The following PIK3CB variants were observed in gnomAD, a reference collection of about 807,000 sequenced individuals.
PIK3CB encodes the protein phosphatidylinositol-4,5-bisphosphate 3-kinase catalytic subunit beta.
In PIK3CB, 39 loss-of-function variants were observed where a neutral mutation model predicts 136.8. The ratio of observed to expected loss-of-function variants is 0.29; its 90% confidence interval spans 0.22 to 0.37. The LOEUF (loss-of-function observed/expected upper bound fraction) is 0.37. PIK3CB is among the 10% of genes least tolerant of loss of function. PIK3CB has a pLI of 1.00. For missense variants in PIK3CB, 868 were observed against 1,275.4 expected, an observed-to-expected ratio of 0.68 and a Z score of 4.87; for synonymous variants, 428 against 436.6, an observed-to-expected ratio of 0.98 and a Z score of 0.25.
chr3:138,826,204 T>G, intron 1 of PIK3CB: 1 of 1,330,426 alleles, frequency 7.5e-7, no homozygotes, highest in Non-Finnish European at 1.1e-6. Context: ...TATCCTCCTC[T>G]GGGTCATTTT....
chr3:138,745,389 T>C (rs1315204451), intron 4 of PIK3CB, among the ~76,000 whole-genome samples: 1 of 152,106 alleles, frequency 6.6e-6, no homozygotes, highest in Non-Finnish European at 1.5e-5. Flanking sequence ...TCCTAGCACT[T>C]TGGGAGGCCA....
At chr3:138,753,032 G>A (rs1690906831) in intron 4 of PIK3CB, among the ~76,000 whole-genome samples, 1 of 152,034 alleles carries the variant, frequency 6.6e-6, no homozygotes, top group African/African-American at 2.4e-5. Context: ...CCCACATCCT[G>A]GGTAACACAG....
chr3:138,798,200 T>C (rs539917359), intron 1 of PIK3CB, among the ~76,000 whole-genome samples: 71 of 152,306 alleles, frequency 4.7e-4, no homozygotes, highest in African/African-American at 1.5e-3. Context: ...AGTCTTACTC[T>C]GTTGCCCAGG....
chr3:138,724,675 C>A (rs1486111887), intron 8 of PIK3CB, among the ~76,000 whole-genome samples: 4 of 152,128 alleles, frequency 2.6e-5, no homozygotes, highest in South Asian at 4.1e-4. Flanking sequence ...TCTATCATTA[C>A]CCAGATTCCA....
chr3:138,814,225 C>A (rs1933198749), intron 1 of PIK3CB, among the ~76,000 whole-genome samples: 2 of 152,092 alleles, frequency 1.3e-5, no homozygotes, highest in Admixed American at 6.6e-5. Flanking sequence ...TGTCTGTAAT[C>A]CCAGAGCTTT....
intron 5 of PIK3CB, among the ~76,000 whole-genome samples, chr3:138,742,037 TAAG>T (rs780971616): frequency 1.3e-5 from 2 of 152,196 alleles, no homozygotes; most frequent in Non-Finnish European, 2.9e-5. Flanking sequence ...AATGCAAATT[TAAG>T]AATATGGAAA....
rs1373870636 is a variant in PIK3CB, at chr3:138,742,790, AT to A, written c.398-10del. On this transcript the variant is annotated splice_polypyrimidine_tract_variant and intron_variant, in intron 4 of 23. Transcript: ENST00000674063. The stretch of plus-strand genomic sequence containing the variant: ...ATCAAATTCATGCAGACCTAAACAC[AT>A]TTTTTAAAGGTGTCATTTTCAGTAA... 9 of 1,485,376 alleles carry A rather than the reference AT, an allele frequency of 6.1e-6. No homozygotes were observed. The highest frequency in any genetic ancestry group is 4.2e-5 in the African/African-American group (3 of 71,744). 92.0% of individuals were successfully genotyped at this position (1,485,376 alleles called of 1,614,324 possible). A position where few individuals can be genotyped will look rare whatever the true frequency, so the allele number is the denominator to read the frequency against.
At chr3:138,803,157 A>C (rs889686827) in intron 1 of PIK3CB, among the ~76,000 whole-genome samples, 1 of 152,196 alleles carries the variant, frequency 6.6e-6, no homozygotes, top group Non-Finnish European at 1.5e-5. Flanking sequence ...CCACTGCTCC[A>C]GTCTTCCACC....
intron 22 of PIK3CB, among the ~76,000 whole-genome samples, chr3:138,656,970 G>A (rs2043202068): frequency 1.3e-5 from 2 of 152,142 alleles, no homozygotes; most frequent in South Asian, 2.1e-4. Flanking sequence ...GTTTCACCAT[G>A]TTGGTCAGGC....
At chr3:138,717,830 C>G (rs575362034) in intron 8 of PIK3CB, among the ~76,000 whole-genome samples, 1 of 152,276 alleles carries the variant, frequency 6.6e-6, no homozygotes, top group East Asian at 1.9e-4. Context: ...GGATAATAGC[C>G]TCCAGCTCCA....
intron 4 of PIK3CB, among the ~76,000 whole-genome samples, chr3:138,748,768 A>C (rs1255532912): frequency 6.6e-6 from 1 of 152,178 alleles, no homozygotes; most frequent in Non-Finnish European, 1.5e-5. Context: ...AATATGCATA[A>C]GTTTTTGTTT....
At chr3:138,658,422 C>T (rs1419897801) in intron 21 of PIK3CB, among the ~76,000 whole-genome samples, 1 of 152,016 alleles carries the variant, frequency 6.6e-6, no homozygotes, top group African/African-American at 2.4e-5. Context: ...TACGCTCTTG[C>T]CTGGGTGACA....
intron 2 of PIK3CB, among the ~76,000 whole-genome samples, chr3:138,763,050 A>G (rs2045683540): frequency 6.6e-6 from 1 of 152,188 alleles, no homozygotes; most frequent in Non-Finnish European, 1.5e-5. Flanking sequence ...GAAGCCAGCT[A>G]CTGAACAAGT....
intron 17 of PIK3CB, 46 bp from the exon 18 acceptor site, chr3:138,683,833 A>ACT: frequency 1.0e-6 from 1 of 958,476 alleles, no homozygotes; most frequent in African/African-American, 1.6e-5. Context: ...GTAATGATAC[A>ACT]GAAGATTATA....
At chr3:138,655,617 T>C (rs560360731) in intron 23 of PIK3CB, 91 bp from the exon 24 acceptor site, 2 of 953,196 alleles carry the variant, frequency 2.1e-6, no homozygotes, top group Non-Finnish European at 1.7e-6. Context: ...TGGTTGTGCC[T>C]CCCCAGCCAC....
intron 1 of PIK3CB, among the ~76,000 whole-genome samples, chr3:138,815,853 A>C (rs1409672319): frequency 6.6e-6 from 1 of 152,234 alleles, no homozygotes; most frequent in Non-Finnish European, 1.5e-5. Flanking sequence ...CCAAGGGATA[A>C]ATTGCATTCA....
At chr3:138,770,468 G>C (rs965009738) in intron 2 of PIK3CB, 56 of 152,016 alleles carry the variant, frequency 3.7e-4, no homozygotes, top group African/African-American at 1.3e-3. Context: ...CCAGCACTCT[G>C]GGGGGCTGAG....
At chr3:138,666,542 T>C (rs903960592) in intron 19 of PIK3CB, among the ~76,000 whole-genome samples, 4 of 152,344 alleles carry the variant, frequency 2.6e-5, no homozygotes, top group South Asian at 2.1e-4. Context: ...ATTAGGGCTT[T>C]AGACATTTTC....
chr3:138,761,678 G>A (rs745519884), intron 2 of PIK3CB, among the ~76,000 whole-genome samples: 4 of 152,182 alleles, frequency 2.6e-5, no homozygotes, highest in Admixed American at 1.3e-4. Flanking sequence ...GCTGAGGCAC[G>A]AGAATTGCTT....
Sources: gnomAD v4.1 joint callset for allele counts (sites outside exome capture counted in the v4.1 genomes callset) on GRCh38, gnomAD v4.1.1 for gene constraint, MANE v1.5 for transcripts, NCBI Gene and HGNC (gene_info 2026-07-23, HGNC 2026-07-21) for gene names.